TEAD4: variants seen among roughly 807,000 people sequenced by gnomAD.
The protein encoded by TEAD4 is TEA domain transcription factor 4.
A neutral mutation model predicts 52.4 loss-of-function variants in TEAD4; 36 were observed. The ratio of observed to expected loss-of-function variants is 0.69; its 90% CI spans 0.53 to 0.91. The LOEUF (loss-of-function observed/expected upper bound fraction) is 0.91, where lower values mean the gene tolerates loss of function less well. Among genes scored for constraint, TEAD4 ranks in the 40% least tolerant of loss-of-function variants. The probability of loss-of-function intolerance (pLI) is 0.00; values close to 1 mark genes in which losing one functional copy is unlikely to be tolerated. For missense variants in TEAD4, 508 were observed against 583.9 expected (o/e 0.87, Z 1.34); for synonymous variants, 220 against 231.0 (o/e 0.95, Z 0.43).
chr12:2,980,877 A>G (rs1001909388), intron 2 of TEAD4, among the ~76,000 whole-genome samples: 1 of 152,180 alleles, frequency 6.6e-6, no homozygotes, highest in Non-Finnish European at 1.5e-5. Flanking sequence ...TCAAGAAAAA[A>G]GCAGCATCAT....
Position 2,994,504 on chromosome 12 carries a change from C to T in TEAD4, c.-29-234C>T, listed in dbSNP as rs1166740055. Among the ~76,000 whole-genome samples the T allele has an allele frequency of 1.3e-5, 2 of 152,210 alleles. No homozygotes were observed. The highest frequency in any genetic ancestry group is 2.9e-5 in the Non-Finnish European group (2 of 68,038). Reference sequence around the variant, plus strand: ...TACTTTTCAGCCCTTGTCTGGGTTCCTTGATACCAGGGAGTGCCTAGGTCA... The same window carrying T: ...TACTTTTCAGCCCTTGTCTGGGTTCTTTGATACCAGGGAGTGCCTAGGTCA... On this transcript the variant is annotated intron_variant, in intron 2 of 12. Coordinates refer to ENST00000359864, the MANE Select transcript of TEAD4 (RefSeq NM_003213.4). The surrounding 1 kb of genome is among the most constrained non-coding windows in gnomAD (Gnocchi z 4.7).
chr12:3,018,314 C>T (rs948287806), intron 6 of TEAD4, among the ~76,000 whole-genome samples: 3 of 152,176 alleles, frequency 2.0e-5, no homozygotes, highest in Non-Finnish European at 4.4e-5. Flanking sequence ...CTGTGTGGAC[C>T]ACACCTGGGT....
In TEAD4 at chr12:2,962,331, TAAATATATA is replaced by T. The variant is rs1565518233; in HGVS notation, c.-30+2292_-30+2300del. On this transcript the variant is annotated intron_variant, in intron 2 of 12. Coordinates refer to ENST00000359864, the MANE Select transcript of TEAD4 (RefSeq NM_003213.4). ...AAATATATAAATATATATATAAATA[TAAATATATA>T]TATATATTTTTTGAGATGGAGTTTC... Among the ~76,000 whole-genome samples, 81 of 117,762 alleles carry T rather than the reference TAAATATATA, an allele frequency of 6.9e-4. 1 individual carries two copies. Among genetic ancestry groups the T allele is most frequent in the African/African-American group, 2.5e-3 (71 of 27,890 alleles). 77.3% of individuals were successfully genotyped at this position (117,762 alleles called of 152,430 possible).
At chr12:2,978,735 A>G (rs962833848) in intron 2 of TEAD4, among the ~76,000 whole-genome samples, 2 of 151,698 alleles carry the variant, frequency 1.3e-5, no homozygotes, top group African/African-American at 4.8e-5. Flanking sequence ...GAAACTCCCC[A>G]TTCCCCCATC....
chr12:3,022,117 T>C, intron 10 of TEAD4, 100 bp downstream of exon 10: 2 of 1,474,460 alleles, frequency 1.4e-6, no homozygotes, highest in Non-Finnish European at 1.8e-6. Flanking sequence ...CAGTAGAAAC[T>C]TGGGGAGGTG....
chr12:2,994,945 C>T lies in TEAD4; in HGVS notation c.179C>T (p.Pro60Leu). 1 of 1,614,166 alleles carries T rather than the reference C, an allele frequency of 6.2e-7. No individual in the cohort carries two copies. Among genetic ancestry groups the T allele is most frequent in the Non-Finnish European group, 8.5e-7 (1 of 1,180,026 alleles). ...CAGGAGGCCCTCGCCATCTACCCGC[C>T]CTGTGGCAGGCGCAAAATCATCCTG... The change falls in exon 3 of 13, where the codon CCC (proline) becomes CTC (leucine). Residue 60 changes from proline (P) to leucine (L), a missense_variant. Transcript: ENST00000359864. The surrounding 1 kb of genome is among the most constrained non-coding windows in gnomAD (Gnocchi z 4.7).
intron 2 of TEAD4, among the ~76,000 whole-genome samples, chr12:2,968,311 C>T (rs987549305): frequency 6.6e-6 from 1 of 151,044 alleles, no homozygotes; most frequent in Non-Finnish European, 1.5e-5. Flanking sequence ...GTCTCGAACT[C>T]CCGACCTCAG....
At position 3,040,113 on chromosome 12, in the gene TEAD4, T is replaced by C; in HGVS notation, c.1045T>C (p.Tyr349His). 1 of 1,613,938 alleles carries C rather than the reference T, an allele frequency of 6.2e-7. No homozygotes were observed. Among genetic ancestry groups the C allele is most frequent in the Non-Finnish European group, 8.5e-7 (1 of 1,179,982 alleles). ...CTCTCCCCGGGTCCTGCAGACAGAG[T>C]ATGCTCGCTATGAGAATGGACACTA... The change falls in exon 12 of 13, where the codon TAT becomes CAT. Residue 349 changes from tyrosine (Y) to histidine (H), a missense_variant. Tyr to His is a moderately conservative substitution (Grantham distance 83). Coordinates refer to ENST00000359864, the MANE Select transcript of TEAD4 (RefSeq NM_003213.4).
intron 3 of TEAD4, among the ~76,000 whole-genome samples, chr12:3,010,058 C>T (rs75400601): frequency 6.6e-6 from 1 of 152,192 alleles, no homozygotes; most frequent in Non-Finnish European, 1.5e-5. Flanking sequence ...CTGATCCCCC[C>T]ACTCAAACCC....
chr12:3,015,625 C>T (rs1002930689), intron 5 of TEAD4, among the ~76,000 whole-genome samples: 2 of 152,190 alleles, frequency 1.3e-5, no homozygotes, highest in South Asian at 2.1e-4. Context: ...GAAGAGCTGG[C>T]GAGCTGCAGG....
chr12:3,026,812 A>G (rs2153957867), intron 10 of TEAD4, among the ~76,000 whole-genome samples: 1 of 152,336 alleles, frequency 6.6e-6, no homozygotes, highest in African/African-American at 2.4e-5. Context: ...TGAGTGGAAT[A>G]CAGCAGCATC....
intron 3 of TEAD4, among the ~76,000 whole-genome samples, chr12:3,002,986 C>G (rs954476736): frequency 6.6e-6 from 1 of 152,244 alleles, no homozygotes; most frequent in Non-Finnish European, 1.5e-5. Flanking sequence ...CCTTCTCCAG[C>G]CCCAGGTGTT....
At chr12:2,993,729 C>T (rs894749685) in intron 2 of TEAD4, among the ~76,000 whole-genome samples, 6 of 152,180 alleles carry the variant, frequency 3.9e-5, no homozygotes, top group African/African-American at 7.2e-5. Flanking sequence ...CCTCCTGCCT[C>T]AGCCTCCCAA....
chr12:2,976,625 G>A (rs550197326), intron 2 of TEAD4, among the ~76,000 whole-genome samples: 1 of 152,352 alleles, frequency 6.6e-6, no homozygotes, highest in African/African-American at 2.4e-5. Flanking sequence ...CATGTGTTGG[G>A]TGGGGCCTGC....
rs201726125 is a variant in TEAD4, at chr12:3,040,499, G to A, written c.*21G>A. ...AATGAGAGACTCGGGGAGCAGGGAG[G>A]GGGGAAGAGACGTGTGTGCAGGAAA... On this transcript the variant is annotated 3_prime_UTR_variant, in exon 13 of 13. Transcript: ENST00000359864. 159 of 1,609,610 alleles carry A rather than the reference G, an allele frequency of 9.9e-5. No homozygotes were observed. In the African/African-American group the frequency reaches 1.7e-3, roughly 17 times the overall value.
chr12:3,023,528 C>G (rs7969524), intron 10 of TEAD4, among the ~76,000 whole-genome samples: 111,171 of 151,886 alleles, frequency 0.73, 42,791 homozygotes, highest in East Asian at 0.97. Flanking sequence ...TGGCTCATGC[C>G]TGTAATCCCA....
intron 3 of TEAD4, among the ~76,000 whole-genome samples, chr12:2,995,552 C>A (rs920488264): frequency 6.6e-6 from 1 of 152,136 alleles, no homozygotes; most frequent in African/African-American, 2.4e-5. Context: ...AGGAAAGGCC[C>A]CCCCCAACCC....
Position 3,040,095 on chromosome 12 carries a change from C to G in TEAD4, c.1039-12C>G, listed in dbSNP as rs151171262. ...TGGGATTCTAAGCCCCTGCTCTCCC[C>G]GGGTCCTGCAGACAGAGTATGCTCG... On this transcript the variant is annotated splice_polypyrimidine_tract_variant and intron_variant, in intron 11 of 12. Coordinates refer to ENST00000359864, the MANE Select transcript of TEAD4 (RefSeq NM_003213.4). 6.2e-7 allele frequency: 1 copy of G among 1,613,764 alleles called. No individual in the cohort carries two copies. Among genetic ancestry groups the G allele is most frequent in the South Asian group, 1.1e-5 (1 of 91,064 alleles).
chr12:3,017,268 A>G, intron 5 of TEAD4, 130 bp from the exon 6 acceptor site: 1 of 1,224,910 alleles, frequency 8.2e-7, no homozygotes, highest in Non-Finnish European at 1.2e-6. Flanking sequence ...CACGGCACAG[A>G]CTTAACGCCT....
Sources: gnomAD v4.1 joint callset for allele counts (sites outside exome capture counted in the v4.1 genomes callset) on GRCh38, gnomAD v4.1.1 for gene constraint, Gnocchi (gnomAD v3.1) non-coding constraint, MANE v1.5 for transcripts, NCBI Gene and HGNC (gene_info 2026-07-23, HGNC 2026-07-21) for gene names.